The following PDIA3 variants were observed in gnomAD, a reference collection of about 807,000 sequenced individuals.
The protein encoded by PDIA3 is protein disulfide isomerase family A member 3.
A neutral mutation model predicts 56.9 loss-of-function variants in PDIA3; 16 were observed. That is an observed-to-expected ratio of 0.28 (90% confidence interval 0.19 to 0.43). PDIA3 has a LOEUF of 0.43. PDIA3 is among the 20% of genes least tolerant of loss of function. The probability of loss-of-function intolerance (pLI) is 1.00; values close to 1 mark genes in which losing one functional copy is unlikely to be tolerated. For missense variants in PDIA3, 485 were observed against 621.3 expected, an observed-to-expected ratio of 0.78 and a Z score of 2.33; for synonymous variants, 192 against 216.5, an observed-to-expected ratio of 0.89 and a Z score of 0.99.
Position 43,771,701 on chromosome 15 carries a change from GATTA to G in PDIA3, c.*487_*490del, listed in dbSNP as rs1367477274. ...TGGCTAGAAACTACATTTTTGTTTT[GATTA>G]ATTTAAATAGCCATACAGTTGCTAC... is the stretch of plus-strand genomic sequence containing the variant. On this transcript the variant is annotated 3_prime_UTR_variant, in exon 13 of 13. Coordinates refer to ENST00000300289, the MANE Select transcript of PDIA3 (RefSeq NM_005313.5). 2 of 398,510 alleles carry G rather than the reference GATTA, an allele frequency of 5.0e-6. No homozygotes were observed. Among genetic ancestry groups the G allele is most frequent in the African/African-American group, 4.1e-5 (2 of 48,590 alleles). The allele number at this position is 398,510 out of a possible 1,614,324, so 24.7% of individuals were successfully genotyped here. A position where few individuals can be genotyped will look rare whatever the true frequency, so the allele number is the denominator to read the frequency against.
chr15:43,748,608 G>A (rs1442965025), intron 1 of PDIA3, among the ~76,000 whole-genome samples: 2 of 152,164 alleles, frequency 1.3e-5, no homozygotes, highest in Non-Finnish European at 2.9e-5. Flanking sequence ...GTGGATCTCT[G>A]CTGTGGTGTC....
At position 43,771,673 on chromosome 15, in the gene PDIA3, A is replaced by G. The variant is rs1387056341; in HGVS notation, c.*455A>G. 2.5e-6 allele frequency: 1 copy of G among 399,034 alleles called. No individual in the cohort carries two copies. The highest frequency in any genetic ancestry group is 4.4e-6 in the Non-Finnish European group (1 of 226,458). 24.7% of individuals were successfully genotyped at this position (399,034 alleles called of 1,614,324 possible). On this transcript the variant is annotated 3_prime_UTR_variant, in exon 13 of 13. Transcript: ENST00000300289. ...TACAGGTAGCTACGGAGCATCTGAAATATGGCTAGAAACTACATTTTTGTT... is the reference window on the plus strand; with the variant it reads ...TACAGGTAGCTACGGAGCATCTGAAGTATGGCTAGAAACTACATTTTTGTT...
At chr15:43,758,191 C>G (rs1005382701) in intron 3 of PDIA3, among the ~76,000 whole-genome samples, 1 of 150,886 alleles carries the variant, frequency 6.6e-6, no homozygotes, top group African/African-American at 2.4e-5. Flanking sequence ...GAGCCAAGAT[C>G]ATGCCATTGT....
At chr15:43,752,748 T>C in intron 1 of PDIA3, 1 of 469,938 alleles carries the variant, frequency 2.1e-6, no homozygotes, top group Admixed American at 2.4e-5. Context: ...TATTGAAATA[T>C]ATCTGCTCAA....
intron 8 of PDIA3, among the ~76,000 whole-genome samples, chr15:43,767,550 T>C (rs1037259148): frequency 7.0e-6 from 1 of 143,446 alleles, no homozygotes. Context: ...GGCCGAGGCA[T>C]GTGGATCACA....
chr15:43,771,621 A>G lies in PDIA3; in HGVS notation c.*403A>G. 2.4e-6 allele frequency: 1 copy of G among 411,168 alleles called. No individual in the cohort carries two copies. Among genetic ancestry groups the G allele is most frequent in the East Asian group, 3.5e-5 (1 of 28,722 alleles). The allele number at this position is 411,168 out of a possible 1,614,324, so 25.5% of individuals were successfully genotyped here. A position where few individuals can be genotyped will look rare whatever the true frequency, so the allele number is the denominator to read the frequency against. ...TCAATAGAGCTTTCTTCAGTGATGG[A>G]AATGCTCTGTAATCTACACTGTTCA... On this transcript the variant is annotated 3_prime_UTR_variant, in exon 13 of 13. Transcript: ENST00000300289.
At chr15:43,757,704 G>GA (rs1250202600) in intron 3 of PDIA3, among the ~76,000 whole-genome samples, 3 of 151,360 alleles carry the variant, frequency 2.0e-5, no homozygotes, top group African/African-American at 7.3e-5. Flanking sequence ...GCTAAAAATA[G>GA]AAAAAATTAG....
At chr15:43,752,497 G>C (rs138445924) in intron 1 of PDIA3, among the ~76,000 whole-genome samples, 111 of 152,280 alleles carry the variant, frequency 7.3e-4, no homozygotes, top group African/African-American at 2.6e-3. Context: ...ATAAGGAATA[G>C]CATTTGTTTG....
chr15:43,760,829 C>A (rs1361848789), intron 3 of PDIA3, among the ~76,000 whole-genome samples: 2 of 150,886 alleles, frequency 1.3e-5, no homozygotes, highest in Admixed American at 6.6e-5. Context: ...CAGCACCCGG[C>A]CAAAAAAACT....
At chr15:43,756,044 A>AT (rs2086776888) in intron 2 of PDIA3, among the ~76,000 whole-genome samples, 2 of 152,284 alleles carry the variant, frequency 1.3e-5, no homozygotes, top group African/African-American at 4.8e-5. Flanking sequence ...TGGAGATTAA[A>AT]TGAGATAATA....
At chr15:43,753,639 C>G (rs1267283799) in intron 1 of PDIA3, among the ~76,000 whole-genome samples, 185 bp from the exon 2 acceptor site, 1 of 152,276 alleles carries the variant, frequency 6.6e-6, no homozygotes, top group East Asian at 1.9e-4. Flanking sequence ...GGGGTAGGAC[C>G]TTTACCTCTT....
At chr15:43,751,276 G>C (rs1025174531) in intron 1 of PDIA3, among the ~76,000 whole-genome samples, 1 of 151,138 alleles carries the variant, frequency 6.6e-6, no homozygotes, top group Non-Finnish European at 1.5e-5. Context: ...CTCTCTATTG[G>C]CATCTAATAA....
At chr15:43,751,630 T>G in intron 1 of PDIA3, 4 of 1,304,194 alleles carry the variant, frequency 3.1e-6, no homozygotes, top group Non-Finnish European at 4.0e-6. Context: ...CCAGCCTCAT[T>G]GAAACTCTTT....
intron 10 of PDIA3, 77 bp from the exon 11 acceptor site, chr15:43,770,173 T>G: frequency 8.6e-7 from 1 of 1,158,264 alleles, no homozygotes; most frequent in East Asian, 2.4e-5. Flanking sequence ...TGAGATTGTT[T>G]TAAGTCTTCA....
intron 1 of PDIA3, among the ~76,000 whole-genome samples, chr15:43,749,492 C>T (rs538786113): frequency 6.6e-6 from 1 of 152,124 alleles, no homozygotes; most frequent in Non-Finnish European, 1.5e-5. Context: ...GTTAAAAAAT[C>T]CTTAGTAAGA....
intron 2 of PDIA3, 75 bp downstream of exon 2, chr15:43,753,977 A>G (rs897049090): frequency 1.2e-5 from 12 of 960,718 alleles, no homozygotes; most frequent in African/African-American, 4.8e-5. Flanking sequence ...GCTTTGTTAC[A>G]TGGAAAAAAA....
chr15:43,760,551 C>G (rs2086808300), intron 3 of PDIA3, among the ~76,000 whole-genome samples: 1 of 130,930 alleles, frequency 7.6e-6, no homozygotes, highest in African/African-American at 2.8e-5. Context: ...TTTTTTGAGA[C>G]AGAGTCTCAC....
Position 43,771,151 on chromosome 15 carries a change from C to T in PDIA3, c.1451C>T (p.Ala484Val), listed in dbSNP as rs1445259245. 6.2e-7 allele frequency: 1 copy of T among 1,612,896 alleles called. No homozygotes were observed. Among genetic ancestry groups the T allele is most frequent in the African/African-American group, 1.3e-5 (1 of 74,816 alleles). Reference sequence around the variant, plus strand: ...TTTATTAGCTATCTACAAAGAGAAGCTACAAACCCCCCTGTAATTCAAGAA... The same window carrying T: ...TTTATTAGCTATCTACAAAGAGAAGTTACAAACCCCCCTGTAATTCAAGAA... ...SDFISYLQRE[A>V]TNPPVIQEEK... Residue 484 changes from alanine to valine, a missense_variant, in exon 13 of 13, where the codon GCT (alanine) becomes GTT (valine). By Grantham distance (64) the Ala-to-Val change is moderately conservative. Coordinates refer to ENST00000300289, the MANE Select transcript of PDIA3 (RefSeq NM_005313.5).
intron 1 of PDIA3, 103 bp downstream of exon 1, chr15:43,746,809 T>C: frequency 5.6e-6 from 7 of 1,254,554 alleles, no homozygotes; most frequent in South Asian, 1.2e-5. Context: ...CCTTCATTCC[T>C]GTGGGCCCCT....
Sources: allele counts gnomAD v4.1 joint callset (sites outside exome capture counted in the v4.1 genomes callset), GRCh38; gene constraint gnomAD v4.1.1; transcripts MANE v1.5; gene names NCBI Gene and HGNC (gene_info 2026-07-23, HGNC 2026-07-21).